The following STARD13 variants were observed in gnomAD, a reference collection of about 807,000 sequenced individuals.
The protein encoded by STARD13 is StAR related lipid transfer domain containing 13.
Under a neutral mutation model 106.4 loss-of-function variants are expected in STARD13, and 62 were observed. The observed-to-expected ratio is 0.58, with a 90% CI of 0.48 to 0.72. The LOEUF (loss-of-function observed/expected upper bound fraction) is 0.72. Among genes scored for constraint, STARD13 ranks in the 30% least tolerant of loss-of-function variants. The pLI is 0.00. For synonymous variants in STARD13, 565 were observed against 553.0 expected (o/e 1.02, Z -0.31); for missense variants, 1,387 against 1,424.0 (o/e 0.97, Z 0.42).
chr13:33,269,106 A>C (rs1034470439), intron 1 of STARD13, among the ~76,000 whole-genome samples: 1 of 152,224 alleles, frequency 6.6e-6, no homozygotes, highest in African/African-American at 2.4e-5. Flanking sequence ...GATAAAAAAA[A>C]GTTAGGATAC....
the STARD13 span, among the ~76,000 whole-genome samples, chr13:33,463,217 C>T: frequency 3.9e-5 from 6 of 152,166 alleles, no homozygotes; most frequent in African/African-American, 1.4e-4. Flanking sequence ...AGTGCCAGAG[C>T]ACAGCAACAA....
In STARD13 at chr13:33,105,495, C is replaced by T. The variant is rs926116825; in HGVS notation, c.*98G>A. ...ATTTTTAGGCATTAACCGCGTCCTTCAGTTCCTCTTTCTCTCGCTTTCTCA... is the reference window on the plus strand; with the variant it reads ...ATTTTTAGGCATTAACCGCGTCCTTTAGTTCCTCTTTCTCTCGCTTTCTCA... On this transcript the variant is annotated 3_prime_UTR_variant, in exon 14 of 14. Transcript: ENST00000336934. 7.1e-6 allele frequency: 6 copies of T among 845,624 alleles called. No individual in the cohort carries two copies. The highest frequency in any genetic ancestry group is 5.0e-5 in the African/African-American group (3 of 59,574). 52.4% of individuals were successfully genotyped at this position (845,624 alleles called of 1,614,324 possible). A position where few individuals can be genotyped will look rare whatever the true frequency, so the allele number is the denominator to read the frequency against.
chr13:33,403,710 C>G, the STARD13 span, among the ~76,000 whole-genome samples: 2 of 152,208 alleles, frequency 1.3e-5, no homozygotes, highest in African/African-American at 4.8e-5. Flanking sequence ...GACATCTTGT[C>G]TAAGGTCAAG....
intron 1 of STARD13, among the ~76,000 whole-genome samples, chr13:33,319,612 A>G (rs1318594979): frequency 6.6e-6 from 1 of 152,218 alleles, no homozygotes; most frequent in African/African-American, 2.4e-5. Context: ...TAGAGAAGTT[A>G]CACAGTGGAA....
chr13:33,646,905 T>A, the STARD13 span, among the ~76,000 whole-genome samples: 5 of 152,142 alleles, frequency 3.3e-5, no homozygotes, highest in African/African-American at 1.2e-4. Flanking sequence ...ATGAGGAATT[T>A]AAAAATTCAT....
the STARD13 span, among the ~76,000 whole-genome samples, chr13:33,650,164 A>ATGTTTTTTTTTTTTTTTTTTTTT: frequency 4.1e-5 from 2 of 48,374 alleles, no homozygotes; most frequent in Admixed American, 3.8e-4. Flanking sequence ...CGTGACTCCA[A>ATGTTTTTTTTTTTTTTTTTTTTT]TTTTTTTTTT....
chr13:33,636,538 A>G, the STARD13 span, among the ~76,000 whole-genome samples: 1 of 152,184 alleles, frequency 6.6e-6, no homozygotes, highest in South Asian at 2.1e-4. Context: ...TAATTATGGG[A>G]CTATTCAAGA....
chr13:33,353,797 C>G (rs540099088), upstream of STARD13, among the ~76,000 whole-genome samples: 20 of 151,346 alleles, frequency 1.3e-4, no homozygotes, highest in African/African-American at 4.6e-4. Flanking sequence ...TTTAGTTTTC[C>G]TTATAGCGCT....
At chr13:33,212,412 T>C (rs948119514) in intron 1 of STARD13, among the ~76,000 whole-genome samples, 3 of 152,190 alleles carry the variant, frequency 2.0e-5, no homozygotes, top group Non-Finnish European at 4.4e-5. Context: ...CACTTTCTAC[T>C]GTTGAATTAT....
chr13:33,214,525 G>A (rs1029589102), intron 1 of STARD13, among the ~76,000 whole-genome samples: 1 of 152,144 alleles, frequency 6.6e-6, no homozygotes, highest in Non-Finnish European at 1.5e-5. Context: ...AATGCTCCCA[G>A]TAATCCAAAT....
At chr13:33,562,868 C>T in the STARD13 span, among the ~76,000 whole-genome samples, 4 of 146,896 alleles carry the variant, frequency 2.7e-5, no homozygotes, top group African/African-American at 1.0e-4. Context: ...ACCAAAGAAA[C>T]CCTTGCCACC....
intron 1 of STARD13, chr13:33,350,282 G>T: frequency 6.5e-7 from 1 of 1,529,934 alleles, no homozygotes; most frequent in Non-Finnish European, 8.7e-7. Context: ...CGTCTCCGGG[G>T]CACTGACCTG....
intron 3 of STARD13, chr13:33,158,522 C>G (rs968144912): frequency 4.6e-5 from 7 of 152,234 alleles, no homozygotes; most frequent in African/African-American, 1.4e-4. Flanking sequence ...GGTTTATGAT[C>G]TGCACTAGCT....
intron 1 of STARD13, among the ~76,000 whole-genome samples, chr13:33,273,706 A>G (rs1487555540): frequency 6.6e-6 from 1 of 152,236 alleles, no homozygotes; most frequent in Non-Finnish European, 1.5e-5. Flanking sequence ...ATTCATTTGA[A>G]TTAGTACGAG....
the STARD13 span, among the ~76,000 whole-genome samples, chr13:33,419,857 A>C: frequency 5.3e-5 from 8 of 152,228 alleles, no homozygotes; most frequent in Admixed American, 3.3e-4. Flanking sequence ...AGCCAAACTA[A>C]GCTTCATAAG....
intron 3 of STARD13, among the ~76,000 whole-genome samples, chr13:33,161,719 T>C (rs977274800): frequency 6.6e-5 from 10 of 152,176 alleles, no homozygotes; most frequent in Non-Finnish European, 1.5e-4. Context: ...TATATATATA[T>C]GTATTAGTCC....
the STARD13 span, among the ~76,000 whole-genome samples, chr13:33,673,055 G>C: frequency 1.3e-5 from 2 of 152,186 alleles, no homozygotes; most frequent in African/African-American, 4.8e-5. Flanking sequence ...ACAACCTCCT[G>C]CTTGAGCTAA....
At chr13:33,654,041 G>A in the STARD13 span, among the ~76,000 whole-genome samples, 2 of 152,182 alleles carry the variant, frequency 1.3e-5, no homozygotes, top group East Asian at 3.9e-4. Context: ...AAGCATTGGT[G>A]AACATGAGGA....
intron 1 of STARD13, chr13:33,349,315 C>T: frequency 1.4e-6 from 1 of 693,592 alleles, no homozygotes; most frequent in South Asian, 1.5e-5. Context: ...AAGCATCTTC[C>T]AGCAGCCAAC....
Sources: allele counts gnomAD v4.1 joint callset (sites outside exome capture counted in the v4.1 genomes callset), GRCh38; gene constraint gnomAD v4.1.1; transcripts MANE v1.5; gene names NCBI Gene and HGNC (gene_info 2026-07-23, HGNC 2026-07-21).